The following PCDH7 variants were observed in gnomAD, a reference collection of about 807,000 sequenced individuals.
PCDH7 encodes protocadherin 7, also known as protocadherin-7.
In PCDH7, 17 loss-of-function variants were observed where a neutral mutation model predicts 58.9. The ratio of observed to expected loss-of-function variants is 0.29; its 90% CI spans 0.20 to 0.43. PCDH7 has a LOEUF of 0.43. Ranked by LOEUF, PCDH7 falls within the 20% of genes least tolerant of loss-of-function variation. PCDH7 has a pLI of 1.00. For missense variants in PCDH7, 1,274 were observed against 1,441.0 expected, an observed-to-expected ratio of 0.88 and a Z score of 1.88; for synonymous variants, 664 against 616.4, an observed-to-expected ratio of 1.08 and a Z score of -1.14.
downstream of PCDH7, among the ~76,000 whole-genome samples, chr4:30,735,653 G>A (rs1417773241): frequency 1.3e-5 from 2 of 152,176 alleles, no homozygotes; most frequent in African/African-American, 4.8e-5. Context: ...CTTGAGGAAA[G>A]ATGGGGTAAC....
chr4:31,090,721 T>C (rs1276045675), intron 3 of PCDH7, among the ~76,000 whole-genome samples: 3 of 152,086 alleles, frequency 2.0e-5, no homozygotes, highest in African/African-American at 7.2e-5. Flanking sequence ...TTGATCATTG[T>C]TTTTTAATCT....
intron 3 of PCDH7, among the ~76,000 whole-genome samples, chr4:31,042,260 C>T (rs1384304375): frequency 6.6e-6 from 1 of 152,142 alleles, no homozygotes; most frequent in African/African-American, 2.4e-5. Flanking sequence ...TCAAGCAATG[C>T]TTTCCCTTCT....
chr4:31,064,668 C>T (rs1440671829), intron 3 of PCDH7, among the ~76,000 whole-genome samples: 1 of 151,886 alleles, frequency 6.6e-6, no homozygotes, highest in Non-Finnish European at 1.5e-5. Context: ...GTGATGTTCA[C>T]CCTGTGTTTC....
chr4:31,144,150 G>A (rs1382362321), downstream of PCDH7: 1 of 152,130 alleles, frequency 6.6e-6, no homozygotes, highest in African/African-American at 2.4e-5. Context: ...TGCACCACAA[G>A]TGCATTAATT....
Position 30,722,032 on chromosome 4 carries a change from G to A in PCDH7, c.610G>A (p.Ala204Thr). The change falls in exon 1 of 2, where the codon GCC becomes ACC. Residue 204 changes from alanine (A) to threonine (T), a missense_variant. This residue lies in a region of PCDH7 where 331 missense variants were observed against 303.2 expected (regional missense o/e 1.09). Transcript: ENST00000361762. The surrounding 1 kb of genome is among the most constrained non-coding windows in gnomAD (Gnocchi z 7.6). ...CCGGCGCGCCGGGGCGGCCGACAGC[G>A]CCCCCTACCCCGGGGGCGGCGGGAA... The A allele has an allele frequency of 1.6e-6, 2 of 1,251,152 alleles. No individual in the cohort carries two copies. The highest frequency in any genetic ancestry group is 2.0e-6 in the Non-Finnish European group (2 of 1,001,062). 77.5% of individuals were successfully genotyped at this position (1,251,152 alleles called of 1,614,324 possible).
At chr4:30,921,730 C>A in intron 2 of PCDH7, among the ~76,000 whole-genome samples, 1 of 151,730 alleles carries the variant, frequency 6.6e-6, no homozygotes, top group African/African-American at 2.4e-5. Flanking sequence ...CTAAGAGTTA[C>A]ATTTTTTTTA....
At chr4:30,797,429 C>A (rs934279845) in intron 1 of PCDH7, among the ~76,000 whole-genome samples, 1 of 151,968 alleles carries the variant, frequency 6.6e-6, no homozygotes, top group African/African-American at 2.4e-5. Context: ...CCCGCCACCA[C>A]GCCCGGCTAA....
chr4:30,977,995 T>C (rs1303132381), intron 3 of PCDH7, among the ~76,000 whole-genome samples: 1 of 152,176 alleles, frequency 6.6e-6, no homozygotes, highest in Non-Finnish European at 1.5e-5. Context: ...CAGCTGGTTT[T>C]TTTCTTCCAT....
intron 2 of PCDH7, among the ~76,000 whole-genome samples, chr4:30,936,721 T>C (rs765391097): frequency 1.7e-4 from 26 of 152,062 alleles, no homozygotes; most frequent in African/African-American, 6.3e-4. Flanking sequence ...CCTGGTATTA[T>C]AACTCAGACG....
At chr4:30,876,930 G>A (rs994329667) in intron 1 of PCDH7, among the ~76,000 whole-genome samples, 2 of 151,734 alleles carry the variant, frequency 1.3e-5, no homozygotes, top group Admixed American at 6.6e-5. Flanking sequence ...GACAGGCCCC[G>A]GTGTGTGATG....
At chr4:31,135,358 A>T (rs1323592335) in intron 3 of PCDH7, among the ~76,000 whole-genome samples, 2 of 152,132 alleles carry the variant, frequency 1.3e-5, no homozygotes, top group East Asian at 1.9e-4. Flanking sequence ...TTTGCCCTTG[A>T]ATTTTGAGCA....
chr4:31,142,507 G>C (rs372979435), exon 4 of PCDH7: 222 of 1,367,600 alleles, frequency 1.6e-4, no homozygotes, highest in Non-Finnish European at 2.1e-4. Context: ...CCCTGACTGG[G>C]AAGTGCACTC....
At chr4:30,910,550 T>C (rs1741596285) in intron 1 of PCDH7, among the ~76,000 whole-genome samples, 2 of 151,858 alleles carry the variant, frequency 1.3e-5, no homozygotes, top group South Asian at 4.2e-4. Context: ...AACAAACATA[T>C]GAAAAAAAGC....
intron 1 of PCDH7, among the ~76,000 whole-genome samples, chr4:30,861,834 A>G (rs746393957): frequency 6.6e-6 from 1 of 152,142 alleles, no homozygotes; most frequent in Non-Finnish European, 1.5e-5. Flanking sequence ...GAGGTTGTAT[A>G]TAAGCTACTT....
chr4:30,968,369 AC>A (rs1364015551), intron 3 of PCDH7, among the ~76,000 whole-genome samples: 1 of 111,134 alleles, frequency 9.0e-6, no homozygotes, highest in Non-Finnish European at 1.9e-5. Flanking sequence ...CTATATATAT[AC>A]ACACACTATA....
Position 31,087,412 on chromosome 4 carries a change from G to T in PCDH7, c.*8-55061G>T, listed in dbSNP as rs560138458. Among the ~76,000 whole-genome samples the T allele has an allele frequency of 2.4e-4, 37 of 152,202 alleles. 1 individual carries two copies. The South Asian group carries it at 7.0e-3, about 29-fold the overall frequency. On this transcript the variant is annotated intron_variant, in intron 3 of 3. Coordinates refer to the PCDH7 transcript ENST00000509759. ...TCTTAAGGAAAAACTCAAATACAAT[G>T]CTATGCGTTTATATTTGGATCTGAT...
chr4:30,800,354 TTTC>T (rs1725375215), intron 1 of PCDH7, among the ~76,000 whole-genome samples: 1 of 152,174 alleles, frequency 6.6e-6, no homozygotes, highest in Non-Finnish European at 1.5e-5. Flanking sequence ...AATATGGATT[TTTC>T]TTCATGTATA....
chr4:30,725,238 A>G (rs1410806951), intron 1 of PCDH7: 5 of 991,216 alleles, frequency 5.0e-6, no homozygotes, highest in Non-Finnish European at 6.1e-6. Context: ...GATACCTATA[A>G]CAATTAGTGT....
chr4:30,790,764 A>G (rs906945212), intron 1 of PCDH7, among the ~76,000 whole-genome samples: 2 of 152,102 alleles, frequency 1.3e-5, no homozygotes, highest in African/African-American at 2.4e-5. Flanking sequence ...TACAAAAAGT[A>G]AAAAACAAAA....
Sources: gnomAD v4.1 joint callset for allele counts (sites outside exome capture counted in the v4.1 genomes callset) on GRCh38, gnomAD v4.1.1 for gene constraint, gnomAD v4.1.1 regional missense constraint, Gnocchi (gnomAD v3.1) non-coding constraint, MANE v1.5 for transcripts, NCBI Gene and HGNC (gene_info 2026-07-23, HGNC 2026-07-21) for gene names.